The following PTDSS1 variants were observed in gnomAD, a reference collection of about 807,000 sequenced individuals.
The protein encoded by PTDSS1 is PSS-1.
PTDSS1 carries 45 observed loss-of-function variants against 70.5 expected under a neutral mutation model. The ratio of observed to expected loss-of-function variants is 0.64; its 90% CI spans 0.50 to 0.82. The LOEUF (loss-of-function observed/expected upper bound fraction) is 0.82, where lower values mean the gene tolerates loss of function less well. PTDSS1 is among the 40% of genes least tolerant of loss of function. PTDSS1 has a pLI of 0.00. For synonymous variants in PTDSS1, 188 were observed against 203.8 expected (o/e 0.92, Z 0.66); for missense variants, 417 against 586.1 (o/e 0.71, Z 2.98).
At chr8:96,266,022 C>T (rs555016415) in intron 1 of PTDSS1, among the ~76,000 whole-genome samples, 3 of 152,324 alleles carry the variant, frequency 2.0e-5, no homozygotes, top group East Asian at 3.9e-4. Flanking sequence ...TTGTCTCAAG[C>T]TCAGAGTATA....
chr8:96,309,853 A>G (rs764953843), intron 9 of PTDSS1, among the ~76,000 whole-genome samples: 4 of 152,126 alleles, frequency 2.6e-5, no homozygotes, highest in African/African-American at 7.2e-5. Flanking sequence ...ATTATAAAAC[A>G]AGAGTATAGA....
chr8:96,286,421 G>A (rs549511830), intron 3 of PTDSS1, among the ~76,000 whole-genome samples: 72 of 152,312 alleles, frequency 4.7e-4, no homozygotes, highest in Admixed American at 1.9e-3. Context: ...GGGTAATGTG[G>A]AGTGTAAGTC....
intron 1 of PTDSS1, 42 bp from the exon 2 acceptor site, chr8:96,273,257 G>T: frequency 7.0e-7 from 1 of 1,426,004 alleles, no homozygotes; most frequent in Non-Finnish European, 9.6e-7. Context: ...TTTTCTATTT[G>T]GATCTGAAAG....
intron 5 of PTDSS1, among the ~76,000 whole-genome samples, chr8:96,295,970 C>T (rs940450711): frequency 2.0e-5 from 3 of 152,050 alleles, no homozygotes; most frequent in South Asian, 2.1e-4. Flanking sequence ...ATCAAAGCGT[C>T]GGCAGGACTG....
intron 2 of PTDSS1, among the ~76,000 whole-genome samples, chr8:96,279,573 C>T (rs1277838580): frequency 1.3e-5 from 2 of 151,616 alleles, no homozygotes; most frequent in Admixed American, 1.3e-4. Flanking sequence ...AATCCCAGCA[C>T]TTTGGGAGGC....
chr8:96,263,709 G>A (rs1250747493), intron 1 of PTDSS1, among the ~76,000 whole-genome samples: 1 of 152,172 alleles, frequency 6.6e-6, no homozygotes, highest in Non-Finnish European at 1.5e-5. Flanking sequence ...CTAGTATTTG[G>A]GAGGGGGAGC....
At chr8:96,309,740 C>G in intron 9 of PTDSS1, 118 bp downstream of exon 9, 1 of 820,184 alleles carries the variant, frequency 1.2e-6, no homozygotes, top group South Asian at 1.6e-5. Context: ...GACAGGTGGA[C>G]TAGATTTTAT....
intron 1 of PTDSS1, among the ~76,000 whole-genome samples, chr8:96,271,588 G>C (rs1343115440): frequency 6.6e-6 from 1 of 152,166 alleles, no homozygotes; most frequent in Non-Finnish European, 1.5e-5. Flanking sequence ...CTGAGTCACA[G>C]AGCATATGCA....
chr8:96,313,986 A>C (rs1330598480), intron 9 of PTDSS1, among the ~76,000 whole-genome samples: 1 of 151,996 alleles, frequency 6.6e-6, no homozygotes, highest in South Asian at 2.1e-4. Context: ...ACAATTTCTC[A>C]TAATTGTGGT....
chr8:96,297,582 C>A (rs567320058), intron 5 of PTDSS1, among the ~76,000 whole-genome samples: 45 of 152,282 alleles, frequency 3.0e-4, no homozygotes, highest in South Asian at 6.2e-4. Context: ...TCATTTTTGC[C>A]CTCAGTGCTG....
At chr8:96,307,280 A>G (rs973312190) in intron 8 of PTDSS1, among the ~76,000 whole-genome samples, 1 of 152,142 alleles carries the variant, frequency 6.6e-6, no homozygotes, top group African/African-American at 2.4e-5. Flanking sequence ...TAATTTAAGC[A>G]GTTAAAAGAG....
intron 10 of PTDSS1, among the ~76,000 whole-genome samples, chr8:96,325,477 C>T (rs145245808): frequency 9.2e-4 from 140 of 152,228 alleles, no homozygotes; most frequent in African/African-American, 3.2e-3. Flanking sequence ...CGCTGGCTTT[C>T]CCCCAGCCCC....
intron 5 of PTDSS1, among the ~76,000 whole-genome samples, chr8:96,297,572 T>G (rs1810993363): frequency 6.6e-6 from 1 of 152,152 alleles, no homozygotes; most frequent in South Asian, 2.1e-4. Context: ...TCATCATGCC[T>G]CATTTTTGCC....
chr8:96,302,231 C>T (rs1041383141), intron 6 of PTDSS1, among the ~76,000 whole-genome samples: 1 of 151,906 alleles, frequency 6.6e-6, no homozygotes, highest in African/African-American at 2.4e-5. Flanking sequence ...AGGGTTTCTC[C>T]ATGTTGGCCA....
Position 96,330,334 on chromosome 8 carries a change from C to T in PTDSS1, c.1242+53C>T, listed in dbSNP as rs77605576. On this transcript the variant is annotated intron_variant, in intron 11 of 12. Coordinates refer to ENST00000517309, the MANE Select transcript of PTDSS1 (RefSeq NM_014754.3). ...TTGTTTAAAATAATCACCCCGGGCT[C>T]GGCAAATTCGCTCAGAGCACGTGCC... The T allele has an allele frequency of 0.035, 54,346 of 1,533,510 alleles. 1,239 individuals are homozygous for T. The highest frequency in any genetic ancestry group is 0.074 in the Admixed American group (4,370 of 59,166). 95.0% of individuals were successfully genotyped at this position (1,533,510 alleles called of 1,614,324 possible).
chr8:96,314,436 G>GT (rs869068417), intron 9 of PTDSS1, among the ~76,000 whole-genome samples: 1 of 1,330 alleles, frequency 7.5e-4, no homozygotes, highest in East Asian at 2.0e-3. Flanking sequence ...GATGTTGGGA[G>GT]GGGGGTCCCT....
At chr8:96,326,761 G>A (rs1811444167) in intron 10 of PTDSS1, among the ~76,000 whole-genome samples, 2 of 152,244 alleles carry the variant, frequency 1.3e-5, no homozygotes, top group African/African-American at 2.4e-5. Flanking sequence ...ACACCATGGA[G>A]GCTGGGAGAG....
intron 10 of PTDSS1, among the ~76,000 whole-genome samples, chr8:96,325,248 A>G (rs1170422736): frequency 2.0e-5 from 3 of 152,240 alleles, no homozygotes; most frequent in African/African-American, 7.2e-5. Flanking sequence ...ACTCAAACCC[A>G]GACATTCTCT....
intron 10 of PTDSS1, among the ~76,000 whole-genome samples, chr8:96,326,746 G>C (rs1033684890): frequency 1.1e-4 from 16 of 152,198 alleles, no homozygotes; most frequent in African/African-American, 3.9e-4. Context: ...GTGTCTCATG[G>C]GGAAACACCA....
Sources: gnomAD v4.1 joint callset for allele counts (sites outside exome capture counted in the v4.1 genomes callset) on GRCh38, gnomAD v4.1.1 for gene constraint, MANE v1.5 for transcripts, NCBI Gene and HGNC (gene_info 2026-07-23, HGNC 2026-07-21) for gene names.